The following NTM variants were observed in gnomAD, a reference collection of about 807,000 sequenced individuals.
NTM encodes IgLON family member 2.
In NTM, 13 loss-of-function variants were observed where a neutral mutation model predicts 42.1. That is an observed-to-expected ratio of 0.31 (90% CI 0.20 to 0.49). The LOEUF is 0.49. Ranked by LOEUF, NTM falls within the 20% of genes least tolerant of loss-of-function variation. NTM has a pLI of 0.99. For synonymous variants in NTM, 187 were observed against 179.2 expected (o/e 1.04, Z -0.35); for missense variants, 373 against 452.8 (o/e 0.82, Z 1.60).
chr11:131,606,319 G>A (rs1225780433), intron 1 of NTM, among the ~76,000 whole-genome samples: 1 of 152,154 alleles, frequency 6.6e-6, no homozygotes, highest in African/African-American at 2.4e-5. Context: ...GCCTCCCAAA[G>A]TGCTGGGATT....
At chr11:131,498,800 C>T (rs2136345674) in intron 1 of NTM, among the ~76,000 whole-genome samples, 1 of 152,286 alleles carries the variant, frequency 6.6e-6, no homozygotes, top group Middle Eastern at 3.4e-3. Context: ...TGCTGGGCTC[C>T]TCATTTGATC....
At chr11:131,509,349 G>T (rs1418335775) in intron 1 of NTM, among the ~76,000 whole-genome samples, 1 of 152,168 alleles carries the variant, frequency 6.6e-6, no homozygotes, top group Non-Finnish European at 1.5e-5. Flanking sequence ...TACTCTGTCG[G>T]TGTCCAATGT....
At chr11:131,632,260 G>A (rs532122067) in intron 1 of NTM, among the ~76,000 whole-genome samples, 2 of 151,786 alleles carry the variant, frequency 1.3e-5, no homozygotes, top group Non-Finnish European at 2.9e-5. Flanking sequence ...TGTTTTTCTC[G>A]GCACTGACTA....
At chr11:131,919,052 C>A (rs1300745773) in intron 2 of NTM, among the ~76,000 whole-genome samples, 1 of 151,824 alleles carries the variant, frequency 6.6e-6, no homozygotes, top group Non-Finnish European at 1.5e-5. Flanking sequence ...TTCTACAGGC[C>A]AGTCAGTGGA....
At chr11:132,320,742 G>C (rs2095544926) in intron 7 of NTM, among the ~76,000 whole-genome samples, 1 of 151,922 alleles carries the variant, frequency 6.6e-6, no homozygotes, top group Admixed American at 6.6e-5. Context: ...CAAACAAAAA[G>C]ACAGCAGTAA....
At chr11:132,056,994 T>C (rs542411564) in intron 2 of NTM, among the ~76,000 whole-genome samples, 1 of 152,322 alleles carries the variant, frequency 6.6e-6, no homozygotes, top group African/African-American at 2.4e-5. Flanking sequence ...AGTACGATTG[T>C]TTGAATACTT....
chr11:131,789,697 C>T (rs2090568136), intron 1 of NTM, among the ~76,000 whole-genome samples: 1 of 150,762 alleles, frequency 6.6e-6, no homozygotes, highest in Non-Finnish European at 1.5e-5. Context: ...TGGCTCTCGC[C>T]TGTAATCCCA....
chr11:132,183,629 A>C (rs1018750827), intron 3 of NTM, among the ~76,000 whole-genome samples: 1 of 151,812 alleles, frequency 6.6e-6, no homozygotes, highest in African/African-American at 2.4e-5. Flanking sequence ...CATCTGAAAA[A>C]TCTCCATGTT....
Position 131,605,742 on chromosome 11 carries a change from C to A in NTM, c.82+234854C>A, listed in dbSNP as rs1044023636. On this transcript the variant is annotated intron_variant, in intron 1 of 8. Coordinates refer to ENST00000683400, the MANE Select transcript of NTM (RefSeq NM_001352005.2). ...TTCCTAGCTTGTTGAGTGTTTGTAT[C>A]ATTTAAAGTTTGAAAAAAATAAATA... The A allele has an allele frequency of 2.0e-5, 19 of 963,186 alleles. No individual in the cohort carries two copies. The Admixed American group carries it at 3.1e-4, about 16-fold the overall frequency. The allele number at this position is 963,186 out of a possible 1,614,324, so 59.7% of individuals were successfully genotyped here. A position where few individuals can be genotyped will look rare whatever the true frequency, so the allele number is the denominator to read the frequency against.
intron 2 of NTM, among the ~76,000 whole-genome samples, chr11:132,026,264 G>T (rs2075161369): frequency 6.6e-6 from 1 of 152,144 alleles, no homozygotes; most frequent in African/African-American, 2.4e-5. Context: ...TGTATTCTTT[G>T]GGTTAACATC....
At chr11:131,449,930 A>C (rs1377308115) in intron 1 of NTM, among the ~76,000 whole-genome samples, 1 of 152,164 alleles carries the variant, frequency 6.6e-6, no homozygotes, top group Non-Finnish European at 1.5e-5. Flanking sequence ...CGTTCCAGGC[A>C]ATGTCCCCAT....
At chr11:132,030,529 G>C (rs1233111598) in intron 2 of NTM, among the ~76,000 whole-genome samples, 2 of 152,142 alleles carry the variant, frequency 1.3e-5, no homozygotes, top group African/African-American at 4.8e-5. Flanking sequence ...AATAAACCAT[G>C]GCCAGGGGCT....
chr11:132,135,725 G>T (rs972791445), intron 2 of NTM, among the ~76,000 whole-genome samples: 7 of 152,356 alleles, frequency 4.6e-5, no homozygotes, highest in African/African-American at 1.7e-4. Context: ...GAAGCACCCA[G>T]AACCCAGGGA....
At chr11:131,403,875 T>C (rs1205922374) in intron 1 of NTM, among the ~76,000 whole-genome samples, 1 of 152,136 alleles carries the variant, frequency 6.6e-6, no homozygotes, top group Non-Finnish European at 1.5e-5. Flanking sequence ...AAAAAAATAT[T>C]TCTCCTCATT....
chr11:131,447,284 C>T (rs1950131072), intron 1 of NTM, among the ~76,000 whole-genome samples: 1 of 152,190 alleles, frequency 6.6e-6, no homozygotes, highest in South Asian at 2.1e-4. Context: ...TCCTCTCTGA[C>T]CTTTTCCTAG....
In NTM at chr11:131,606,009, G is replaced by T. The variant is rs756689112; in HGVS notation, c.82+235121G>T. 1.1e-3 allele frequency: 536 copies of T among 486,392 alleles called. 1 individual carries two copies. Among genetic ancestry groups the T allele is most frequent in the Non-Finnish European group, 1.3e-3 (485 of 374,282 alleles). 30.1% of individuals were successfully genotyped at this position (486,392 alleles called of 1,614,324 possible). ...CCTCTCTGCTCCCAAGGACAGTGAGGGACCAAGTTTGTCCAGTTCACTGCT... is the reference window on the plus strand; with the variant it reads ...CCTCTCTGCTCCCAAGGACAGTGAGTGACCAAGTTTGTCCAGTTCACTGCT... On this transcript the variant is annotated intron_variant, in intron 1 of 8. Transcript: ENST00000683400.
At chr11:131,577,664 C>T (rs570131767) in intron 1 of NTM, among the ~76,000 whole-genome samples, 26 of 152,294 alleles carry the variant, frequency 1.7e-4, no homozygotes, top group Admixed American at 3.9e-4. Flanking sequence ...TCATATCCCG[C>T]GGTGGTGTCT....
At chr11:132,014,271 ATTTTC>A (rs2072902681) in intron 2 of NTM, among the ~76,000 whole-genome samples, 1 of 150,994 alleles carries the variant, frequency 6.6e-6, no homozygotes, top group South Asian at 2.1e-4. Context: ...TAGATGCCAC[ATTTTC>A]TTTATCTATT....
intron 1 of NTM, among the ~76,000 whole-genome samples, chr11:131,646,446 C>A (rs1446386576): frequency 6.6e-6 from 1 of 152,216 alleles, no homozygotes; most frequent in African/African-American, 2.4e-5. Flanking sequence ...CTTTTCTCTT[C>A]TACTAGTATC....
Sources: allele counts gnomAD v4.1 joint callset (sites outside exome capture counted in the v4.1 genomes callset), GRCh38; gene constraint gnomAD v4.1.1; transcripts MANE v1.5; gene names NCBI Gene and HGNC (gene_info 2026-07-23, HGNC 2026-07-21).